Variants in SRGAP2 observed in about 807,000 individuals in gnomAD.
The protein encoded by SRGAP2 is SLIT-ROBO Rho GTPase activating protein 2, also known as SLIT-ROBO Rho GTPase-activating protein 2.
In SRGAP2, 15 loss-of-function variants were observed where a neutral mutation model predicts 57.2. The ratio of observed to expected loss-of-function variants is 0.26; its 90% CI spans 0.18 to 0.40. The LOEUF is 0.40. Among genes scored for constraint, SRGAP2 ranks in the 10% least tolerant of loss-of-function variants. The pLI, the probability that SRGAP2 is intolerant of heterozygous loss-of-function variation, is 1.00. For missense variants in SRGAP2, 520 were observed against 669.6 expected (o/e 0.78, Z 2.47); for synonymous variants, 249 against 248.0 (o/e 1.00, Z -0.04).
chr1:206,430,057 C>T, intron 13 of SRGAP2, 105 bp from the exon 14 acceptor site: 2 of 726,250 alleles, frequency 2.8e-6, no homozygotes, highest in Admixed American at 3.7e-5. Context: ...TGTAGACCGG[C>T]TGGTGATCCG....
In SRGAP2 at chr1:206,423,548, G is replaced by T. The variant is rs6683027; in HGVS notation, c.1494+2274G>T. Among the ~76,000 whole-genome samples, 406 of 151,924 alleles carry T rather than the reference G, an allele frequency of 2.7e-3. 4 individuals are homozygous for T. Among genetic ancestry groups the T allele is most frequent in the African/African-American group, 9.5e-3 (392 of 41,396 alleles). ...TCCCTTCACTTCTCTGTTTGTGTTC[G>T]GGGGGACTCCATTCTTCACAGTCTC... On this transcript the variant is annotated intron_variant, in intron 13 of 22. Transcript: ENST00000573034.
At chr1:206,401,890 G>A (rs1365388090) in intron 8 of SRGAP2, among the ~76,000 whole-genome samples, 1 of 152,088 alleles carries the variant, frequency 6.6e-6, no homozygotes, top group Non-Finnish European at 1.5e-5. Flanking sequence ...GAATAAGGTC[G>A]CTAAGGCTTG....
At position 206,393,562 on chromosome 1, in the gene SRGAP2, G is replaced by A. The variant is rs782202378; in HGVS notation, c.720G>A (p.Thr240=). 177 of 779,032 alleles carry A rather than the reference G, an allele frequency of 2.3e-4. 2 individuals are homozygous for A. The highest frequency in any genetic ancestry group is 1.6e-3 in the South Asian group (118 of 74,122). The allele number at this position is 779,032 out of a possible 1,614,324, so 48.3% of individuals were successfully genotyped here. A position where few individuals can be genotyped will look rare whatever the true frequency, so the allele number is the denominator to read the frequency against. ...KMKEKRQAKY[T]ENKLKAIKAR... Reference sequence around the variant, plus strand: ...CTTTTCAGCGTCAAGCCAAGTACACGGAGAATAAGCTGAAGGCCATCAAAG... The same window carrying A: ...CTTTTCAGCGTCAAGCCAAGTACACAGAGAATAAGCTGAAGGCCATCAAAG... The change falls in exon 7 of 23, where the codon ACG becomes ACA. Residue 240 remains threonine (T), a synonymous_variant. Transcript: ENST00000573034.
intron 3 of SRGAP2, among the ~76,000 whole-genome samples, chr1:206,309,350 T>C (rs1672458931): frequency 1.3e-5 from 2 of 151,556 alleles, no homozygotes; most frequent in African/African-American, 4.9e-5. Context: ...GAAGTTCAGA[T>C]TGGATGTGGC....
At chr1:206,398,940 G>A (rs1210678043) in intron 7 of SRGAP2, among the ~76,000 whole-genome samples, 1 of 151,980 alleles carries the variant, frequency 6.6e-6, no homozygotes, top group Non-Finnish European at 1.5e-5. Flanking sequence ...TCTGGGAGCT[G>A]AAGGGCAGAG....
intron 10 of SRGAP2, among the ~76,000 whole-genome samples, chr1:206,413,241 T>G (rs1659374218): frequency 6.6e-6 from 1 of 152,190 alleles, no homozygotes; most frequent in Non-Finnish European, 1.5e-5. Context: ...TAGGAAACCT[T>G]TAGAGTCTCC....
chr1:206,270,852 G>A (rs1175571747), intron 2 of SRGAP2, among the ~76,000 whole-genome samples: 39 of 24,718 alleles, frequency 1.6e-3, no homozygotes, highest in African/African-American at 6.4e-3. Context: ...TTGGGGAAGG[G>A]TAGGGATGAG....
intron 3 of SRGAP2, among the ~76,000 whole-genome samples, chr1:206,332,289 G>A (rs1674417709): frequency 1.5e-5 from 1 of 67,076 alleles, no homozygotes; most frequent in South Asian, 6.4e-4. Flanking sequence ...TATGTGTCTT[G>A]GAGTTGCTCT....
chr1:206,449,293 T>TG (rs1558445954), intron 18 of SRGAP2, among the ~76,000 whole-genome samples: 22 of 147,754 alleles, frequency 1.5e-4, no homozygotes, highest in Non-Finnish European at 2.3e-4. Context: ...ATGATTTTTT[T>TG]TTTTTTTTTT....
chr1:206,245,552 A>G (rs1668492665), intron 2 of SRGAP2, among the ~76,000 whole-genome samples: 1 of 151,882 alleles, frequency 6.6e-6, no homozygotes. Context: ...GTCACTTCGA[A>G]TGTCTTCTTA....
At chr1:206,272,402 A>AT (rs1376634395) in intron 2 of SRGAP2, among the ~76,000 whole-genome samples, 5 of 150,822 alleles carry the variant, frequency 3.3e-5, no homozygotes, top group Non-Finnish European at 7.4e-5. Flanking sequence ...CTATAAATTA[A>AT]TTTTTTTATT....
At position 206,454,315 on chromosome 1, in the gene SRGAP2, G is replaced by C. The variant is rs1295347840; in HGVS notation, c.2361-563G>C. On this transcript the variant is annotated intron_variant, in intron 20 of 22. Transcript: ENST00000573034. The surrounding 1 kb of genome is among the most constrained non-coding windows in gnomAD (Gnocchi z 4.3). ...ACAGGATCAAGAGAAGATGAATTGT[G>C]GGGGAGAAGGGGCTTTCTTTGTCAT... 9 of 639,930 alleles carry C rather than the reference G, an allele frequency of 1.4e-5. No homozygotes were observed. The highest frequency in any genetic ancestry group is 2.5e-5 in the Non-Finnish European group (9 of 355,286). The allele number at this position is 639,930 out of a possible 1,614,324, so 39.6% of individuals were successfully genotyped here.
At position 206,453,397 on chromosome 1, in the gene SRGAP2, G is replaced by A; in HGVS notation, c.2360+17G>A. 3 of 616,316 alleles carry A rather than the reference G, an allele frequency of 4.9e-6. No individual in the cohort carries two copies. Among genetic ancestry groups the A allele is most frequent in the Admixed American group, 2.4e-5 (1 of 40,920 alleles). The allele number at this position is 616,316 out of a possible 1,614,324, so 38.2% of individuals were successfully genotyped here. A position where few individuals can be genotyped will look rare whatever the true frequency, so the allele number is the denominator to read the frequency against. On this transcript the variant is annotated intron_variant, in intron 20 of 22. Transcript: ENST00000573034. Reference sequence around the variant, plus strand: ...CCAAGACACGTACGTTGGGCCCATGGCATCTTTGGGGGTGGTCCCCAGCTG... The same window carrying A: ...CCAAGACACGTACGTTGGGCCCATGACATCTTTGGGGGTGGTCCCCAGCTG...
rs1474377001 is a variant in SRGAP2 at position 206,454,730 on chromosome 1, C to G, written c.2361-148C>G. The G allele has an allele frequency of 2.2e-5, 13 of 598,678 alleles. No homozygotes were observed. The Middle Eastern group carries it at 1.8e-3, about 81-fold the overall frequency. The allele number at this position is 598,678 out of a possible 1,614,324, so 37.1% of individuals were successfully genotyped here. A position where few individuals can be genotyped will look rare whatever the true frequency, so the allele number is the denominator to read the frequency against. ...GCCCTTAGGTTTCCTTGCCTCTGCT[C>G]ACAGAACTAGTCCAGCCAGGTGTCG... is the stretch of plus-strand genomic sequence containing the variant. On this transcript the variant is annotated intron_variant, in intron 20 of 22. Coordinates refer to ENST00000573034, the MANE Select transcript of SRGAP2 (RefSeq NM_015326.5). This position sits in a 1 kb window ranked among gnomAD's most constrained non-coding sequence, Gnocchi z 4.3.
intron 17 of SRGAP2, 121 bp from the exon 18 acceptor site, chr1:206,445,954 G>T: frequency 1.5e-6 from 1 of 652,274 alleles, no homozygotes. Flanking sequence ...CTGACACCCA[G>T]AAAGGCAGGT....
intron 20 of SRGAP2, chr1:206,453,854 A>C: frequency 2.8e-6 from 1 of 356,624 alleles, no homozygotes; most frequent in Non-Finnish European, 5.0e-6. Flanking sequence ...AATCCGGCTT[A>C]AGCAGCCTTA....
chr1:206,227,617 C>A (rs1553305822), intron 2 of SRGAP2, among the ~76,000 whole-genome samples: 11 of 152,026 alleles, frequency 7.2e-5, no homozygotes. Context: ...CTTATCTGTA[C>A]TTTTCTCTTC....
At chr1:206,358,437 CAG>C (rs1463361034) in intron 4 of SRGAP2, among the ~76,000 whole-genome samples, 1 of 149,856 alleles carries the variant, frequency 6.7e-6, no homozygotes, top group Non-Finnish European at 1.5e-5. Context: ...AAAGGAAATA[CAG>C]AGAACAAACT....
chr1:206,244,357 A>G (rs1302602346), intron 2 of SRGAP2, among the ~76,000 whole-genome samples: 4 of 86,614 alleles, frequency 4.6e-5, no homozygotes, highest in African/African-American at 2.0e-4. Context: ...TCTGCCTCCC[A>G]GGTTCAAGTG....
Sources: gnomAD v4.1 joint callset for allele counts (sites outside exome capture counted in the v4.1 genomes callset) on GRCh38, gnomAD v4.1.1 for gene constraint, Gnocchi (gnomAD v3.1) non-coding constraint, MANE v1.5 for transcripts, NCBI Gene and HGNC (gene_info 2026-07-23, HGNC 2026-07-21) for gene names.